Variants in AFAP1 observed in about 807,000 individuals in gnomAD.
The protein encoded by AFAP1 is actin filament-associated protein 1.
A neutral mutation model predicts 93.9 loss-of-function variants in AFAP1; 75 were observed. The ratio of observed to expected loss-of-function variants is 0.80; its 90% CI spans 0.66 to 0.97. The LOEUF (loss-of-function observed/expected upper bound fraction) is 0.97, where lower values mean the gene tolerates loss of function less well. Among genes scored for constraint, AFAP1 ranks in the 50% least tolerant of loss-of-function variants. AFAP1 has a pLI of 0.00. For missense variants in AFAP1, 1,201 were observed against 1,050.8 expected, an observed-to-expected ratio of 1.14 and a Z score of -1.98; for synonymous variants, 517 against 430.7, an observed-to-expected ratio of 1.20 and a Z score of -2.48.
chr4:7,931,883 C>T (rs765739787), intron 1 of AFAP1, among the ~76,000 whole-genome samples: 6 of 151,678 alleles, frequency 4.0e-5, no homozygotes, highest in Non-Finnish European at 8.8e-5. Flanking sequence ...TTTTTTGAGA[C>T]GGAGTCTCAC....
At chr4:7,862,700 A>C (rs1455605037) in intron 3 of AFAP1, among the ~76,000 whole-genome samples, 2 of 152,224 alleles carry the variant, frequency 1.3e-5, no homozygotes, top group African/African-American at 4.8e-5. Flanking sequence ...CCAGCGAATT[A>C]AGTTGCTCCC....
intron 4 of AFAP1, among the ~76,000 whole-genome samples, chr4:7,853,647 A>G (rs1714711647): frequency 6.6e-6 from 1 of 152,188 alleles, no homozygotes; most frequent in Admixed American, 6.5e-5. Flanking sequence ...TCTTCCCTCC[A>G]TGACATTCAA....
chr4:7,824,208 A>C (rs573288612), intron 6 of AFAP1, among the ~76,000 whole-genome samples: 1 of 152,230 alleles, frequency 6.6e-6, no homozygotes, highest in African/African-American at 2.4e-5. Flanking sequence ...TGTGTATTTA[A>C]GAGAACTGGA....
At chr4:7,916,706 T>G (rs571314972) in intron 1 of AFAP1, among the ~76,000 whole-genome samples, 1 of 152,076 alleles carries the variant, frequency 6.6e-6, no homozygotes, top group East Asian at 1.9e-4. Context: ...ATGATAAAAA[T>G]CAAAACCAAG....
intron 1 of AFAP1, among the ~76,000 whole-genome samples, chr4:7,933,036 A>AG (rs1345362212): frequency 6.7e-6 from 1 of 149,722 alleles, no homozygotes; most frequent in Non-Finnish European, 1.5e-5. Flanking sequence ...AAAAAAAAAA[A>AG]AAAAGGGGGG....
chr4:7,872,941 A>ATTT (rs1717179237), intron 1 of AFAP1, among the ~76,000 whole-genome samples: 1 of 136,834 alleles, frequency 7.3e-6, no homozygotes, highest in African/African-American at 2.7e-5. Context: ...TTTTTTTTTA[A>ATTT]AAAAAAAAAA....
chr4:7,802,701 G>A (rs1315627241), intron 9 of AFAP1, among the ~76,000 whole-genome samples: 1 of 148,662 alleles, frequency 6.7e-6, no homozygotes, highest in Non-Finnish European at 1.5e-5. Flanking sequence ...GCAGGCTGGA[G>A]TGCAGTGGCG....
At chr4:7,865,859 GCTT>G (rs1215492247) in intron 3 of AFAP1, among the ~76,000 whole-genome samples, 1 of 152,186 alleles carries the variant, frequency 6.6e-6, no homozygotes, top group Non-Finnish European at 1.5e-5. Context: ...TCTTCCAGCT[GCTT>G]CTTTTGTTTT....
chr4:7,793,249 T>C (rs1376117859), intron 11 of AFAP1, among the ~76,000 whole-genome samples: 1 of 152,244 alleles, frequency 6.6e-6, no homozygotes, highest in African/African-American at 2.4e-5. Flanking sequence ...CAGCAATATG[T>C]AGAATCATTT....
At chr4:7,912,935 C>T (rs1265933291) in intron 1 of AFAP1, among the ~76,000 whole-genome samples, 1 of 152,118 alleles carries the variant, frequency 6.6e-6, no homozygotes, top group African/African-American at 2.4e-5. Flanking sequence ...GCAGCCTTGA[C>T]TCTTGGGCTC....
chr4:7,779,580 C>A (rs1716530905), intron 13 of AFAP1, among the ~76,000 whole-genome samples: 1 of 152,244 alleles, frequency 6.6e-6, no homozygotes, highest in South Asian at 2.1e-4. Flanking sequence ...ACTCCAGCAT[C>A]CACGCCCACG....
intron 3 of AFAP1, among the ~76,000 whole-genome samples, chr4:7,864,106 C>A (rs1716099422): frequency 3.3e-5 from 5 of 152,312 alleles, no homozygotes; most frequent in East Asian, 1.9e-4. Flanking sequence ...TTCCCAACTT[C>A]CCATCACAAC....
chr4:7,764,101 C>T (rs1001624650), intron 17 of AFAP1, among the ~76,000 whole-genome samples: 14 of 152,216 alleles, frequency 9.2e-5, no homozygotes, highest in African/African-American at 2.4e-4. Flanking sequence ...GACAACACCA[C>T]GTATTCGGCC....
intron 6 of AFAP1, among the ~76,000 whole-genome samples, chr4:7,831,905 T>C (rs1008133472): frequency 6.6e-6 from 1 of 152,056 alleles, no homozygotes; most frequent in Non-Finnish European, 1.5e-5. Context: ...ACTATGGTCA[T>C]AGAAATGTGG....
At position 7,868,675 on chromosome 4, in the gene AFAP1, T is replaced by C. The variant is rs753201987; in HGVS notation, c.172A>G (p.Ser58Gly). The change falls in exon 3 of 18, where the codon AGC (serine) becomes GGC (glycine). Residue 58 changes from serine to glycine, a missense_variant. Ser to Gly is a moderately conservative substitution (Grantham distance 56, BLOSUM62 0). Transcript: ENST00000420658. ...GGCATCTGAGGAGGGGCTGGCAGGC[T>C]GTTAGCGGTCTCCTGCTTCTGAGCA... ...DHAQKQETAN[S>G]LPAPPQMPLP... 72 of 1,613,454 alleles carry C rather than the reference T, an allele frequency of 4.5e-5. No individual in the cohort carries two copies. Among genetic ancestry groups the C allele is most frequent in the Non-Finnish European group, 5.9e-5 (70 of 1,179,948 alleles).
At chr4:7,914,752 T>C (rs979445588) in intron 1 of AFAP1, among the ~76,000 whole-genome samples, 1 of 152,098 alleles carries the variant, frequency 6.6e-6, no homozygotes, top group Non-Finnish European at 1.5e-5. Context: ...AGCTTACTCT[T>C]ATTCTTTTTC....
intron 1 of AFAP1, among the ~76,000 whole-genome samples, chr4:7,873,342 C>CTTTTTTTTT (rs1158765422): frequency 2.0e-5 from 1 of 50,998 alleles, no homozygotes; most frequent in Non-Finnish European, 3.5e-5. Context: ...GAAGACACAC[C>CTTTTTTTTT]TTTTTTTTTT....
chr4:7,813,209 G>A (rs995575877), intron 8 of AFAP1, among the ~76,000 whole-genome samples: 28 of 152,212 alleles, frequency 1.8e-4, no homozygotes, highest in African/African-American at 5.5e-4. Context: ...ACATGGCTGG[G>A]ATAAAAGGAG....
intron 3 of AFAP1, 139 bp downstream of exon 3, chr4:7,868,483 G>A: frequency 1.5e-6 from 1 of 672,366 alleles, no homozygotes; most frequent in East Asian, 2.9e-5. Context: ...CTCAGCCCTA[G>A]AAATATACTC....
Sources: gnomAD v4.1 joint callset for allele counts (sites outside exome capture counted in the v4.1 genomes callset) on GRCh38, gnomAD v4.1.1 for gene constraint, MANE v1.5 for transcripts, NCBI Gene and HGNC (gene_info 2026-07-23, HGNC 2026-07-21) for gene names.